VPS13C: variants seen among roughly 807,000 people sequenced by gnomAD.
The protein encoded by VPS13C is intermembrane lipid transfer protein VPS13C.
A neutral mutation model predicts 456.8 loss-of-function variants in VPS13C; 358 were observed. The observed-to-expected ratio is 0.78, with a 90% CI of 0.72 to 0.86. The LOEUF (loss-of-function observed/expected upper bound fraction) is 0.86. VPS13C is among the 40% of genes least tolerant of loss of function. VPS13C has a pLI of 0.00. For synonymous variants in VPS13C, 1,578 were observed against 1,486.7 expected, an observed-to-expected ratio of 1.06 and a Z score of -1.41; for missense variants, 4,818 against 4,385.4, an observed-to-expected ratio of 1.10 and a Z score of -2.79.
chr15:62,045,887 G>A (rs943579293), intron 1 of VPS13C, among the ~76,000 whole-genome samples: 2 of 152,030 alleles, frequency 1.3e-5, no homozygotes, highest in East Asian at 1.9e-4. Context: ...AATGTTCACA[G>A]AATATTGAGT....
At chr15:61,976,985 C>G (rs911800170) in intron 24 of VPS13C, 97 bp downstream of exon 24, 2 of 827,086 alleles carry the variant, frequency 2.4e-6, no homozygotes, top group African/African-American at 3.6e-5. Context: ...TTTGCTGTCT[C>G]CCACAGAAAT....
In VPS13C at chr15:61,853,311, G is replaced by A. The variant is rs1250334206; in HGVS notation, c.*1146C>T. Reference sequence around the variant, plus strand: ...CCCTTAAAAGACTTTCAACCTGTAAGAAACAATTTCTGGGAATATAAAAAT... The same window carrying A: ...CCCTTAAAAGACTTTCAACCTGTAAAAAACAATTTCTGGGAATATAAAAAT... On this transcript the variant is annotated 3_prime_UTR_variant, in exon 85 of 85. Coordinates refer to ENST00000644861, the MANE Select transcript of VPS13C (RefSeq NM_020821.3). 6.6e-6 allele frequency: 1 copy of A among 152,122 alleles called. No individual in the cohort carries two copies. Among genetic ancestry groups the A allele is most frequent in the Non-Finnish European group, 1.5e-5 (1 of 68,014 alleles). The allele number at this position is 152,122 out of a possible 1,614,324, so 9.4% of individuals were successfully genotyped here.
At chr15:61,958,777 A>G in intron 36 of VPS13C, 61 bp from the exon 37 acceptor site, 1 of 904,862 alleles carries the variant, frequency 1.1e-6, no homozygotes, top group Non-Finnish European at 1.6e-6. Context: ...CAATTTTAAT[A>G]CAGAAAATAA....
rs146858303 is a variant in VPS13C at position 61,925,511 on chromosome 15, G to A, written c.6554C>T (p.Thr2185Met). The change falls in exon 53 of 85, where the codon ACG (threonine) becomes ATG (methionine). Residue 2185 changes from threonine (T) to methionine (M), a missense_variant. Coordinates refer to ENST00000644861, the MANE Select transcript of VPS13C (RefSeq NM_020821.3). ...QPCSLFMEKC[T>M]WASGKQNINI... ...TATATTTTGCTTTCCTGAAGCCCACGTACATTTTTCCATAAATAAAGAACA... is the reference window on the plus strand; with the variant it reads ...TATATTTTGCTTTCCTGAAGCCCACATACATTTTTCCATAAATAAAGAACA... 46 of 1,603,574 alleles carry A rather than the reference G, an allele frequency of 2.9e-5. No homozygotes were observed. Among genetic ancestry groups the A allele is most frequent in the East Asian group, 1.8e-4 (8 of 44,484 alleles).
At chr15:61,994,740 C>A (rs1349215935) in intron 16 of VPS13C, among the ~76,000 whole-genome samples, 1 of 151,994 alleles carries the variant, frequency 6.6e-6, no homozygotes, top group Non-Finnish European at 1.5e-5. Flanking sequence ...CATGTGTGTG[C>A]CACCACACCC....
At chr15:61,928,852 C>A (rs1567015158) in intron 51 of VPS13C, among the ~76,000 whole-genome samples, 1 of 151,196 alleles carries the variant, frequency 6.6e-6, no homozygotes, top group Non-Finnish European at 1.5e-5. Flanking sequence ...CCACTGCACT[C>A]CAGCCTGGGT....
chr15:61,962,676 T>TA, intron 33 of VPS13C, 73 bp downstream of exon 33: 1 of 1,335,110 alleles, frequency 7.5e-7, no homozygotes, highest in Non-Finnish European at 1.0e-6. Context: ...GTTTTTAAAA[T>TA]AAAATACATT....
At chr15:61,917,768 ACCAGGGCT>A in intron 59 of VPS13C, 133 bp from the exon 60 acceptor site, 1 of 1,035,556 alleles carries the variant, frequency 9.7e-7, no homozygotes, top group Non-Finnish European at 1.3e-6. Flanking sequence ...AGATGAGGAA[ACCAGGGCT>A]AAAAAAAAGG....
intron 67 of VPS13C, among the ~76,000 whole-genome samples, chr15:61,888,490 C>A (rs903314082): frequency 8.6e-5 from 13 of 152,024 alleles, no homozygotes; most frequent in African/African-American, 2.7e-4. Flanking sequence ...GAGTAATAGT[C>A]CATTCATACA....
chr15:62,037,461 T>TAATATAATAAATTTATTATATGGTAAG (rs2048097750), intron 3 of VPS13C, among the ~76,000 whole-genome samples: 1 of 81,746 alleles, frequency 1.2e-5, no homozygotes. Flanking sequence ...TATATAAATA[T>TAATATAATAAATTTATTATATGGTAAG]AATATAATAA....
intron 3 of VPS13C, among the ~76,000 whole-genome samples, chr15:62,037,282 T>TATATATTATATTATATAATATATATATAA (rs1567136685): frequency 2.1e-5 from 1 of 48,668 alleles, no homozygotes; most frequent in Non-Finnish European, 3.6e-5. Context: ...TAATATATTA[T>TATATATTATATTATATAATATATATATAA]ATATATTATA....
intron 4 of VPS13C, 104 bp downstream of exon 4, chr15:62,034,853 A>G: frequency 1.4e-6 from 1 of 722,228 alleles, no homozygotes; most frequent in South Asian, 2.7e-5. Flanking sequence ...ATTTATTTAA[A>G]TTACCTTCTA....
Position 61,974,287 on chromosome 15 carries a change from C to G in VPS13C, c.2538+1G>C. The G allele has an allele frequency of 6.2e-7, 1 of 1,609,950 alleles. No homozygotes were observed. The highest frequency in any genetic ancestry group is 1.1e-5 in the South Asian group (1 of 90,560). On this transcript the variant is annotated splice_donor_variant, in intron 25 of 84. Transcript: ENST00000644861. LOFTEE classifies it high-confidence loss of function. ...TTATACATTTTATTGTATCTATTTACCTGTCTCTCTGGAGACTGGGCTGAT... is the reference window on the plus strand; with the variant it reads ...TTATACATTTTATTGTATCTATTTAGCTGTCTCTCTGGAGACTGGGCTGAT...
intron 9 of VPS13C, among the ~76,000 whole-genome samples, chr15:62,017,115 C>A (rs563796726): frequency 4.0e-5 from 6 of 150,744 alleles, no homozygotes; most frequent in African/African-American, 1.2e-4. Context: ...TCATATCCTT[C>A]GCACACTTGT....
At chr15:61,899,166 T>G (rs2042921525) in intron 66 of VPS13C, among the ~76,000 whole-genome samples, 1 of 71,600 alleles carries the variant, frequency 1.4e-5, no homozygotes, top group Non-Finnish European at 2.8e-5. Context: ...GATCCAAAAT[T>G]GACACCCTAA....
intron 66 of VPS13C, among the ~76,000 whole-genome samples, chr15:61,895,628 T>TCTG (rs548344174): frequency 2.8e-4 from 42 of 152,210 alleles, no homozygotes; most frequent in African/African-American, 9.9e-4. Context: ...ACACAAACAG[T>TCTG]CTGCTAATAA....
intron 83 of VPS13C, among the ~76,000 whole-genome samples, chr15:61,855,915 T>G (rs1256287179): frequency 6.6e-6 from 1 of 152,082 alleles, no homozygotes; most frequent in Non-Finnish European, 1.5e-5. Flanking sequence ...ATCAAATCAC[T>G]TAATAATCTT....
Position 61,951,846 on chromosome 15 carries a change from A to G in VPS13C, c.4434T>C (p.Ser1478=), listed in dbSNP as rs780510703. ...MTAKAYLKKI[S]MQCFDFTDSK... ...TACCAGTGAAATCAAAGCACTGCAT[A>G]CTAATTTTTTTTAGATAAGCTTTAG... The change falls in exon 39 of 85, where the codon AGT becomes AGC. Residue 1478 remains serine, a synonymous_variant. Coordinates refer to ENST00000644861, the MANE Select transcript of VPS13C (RefSeq NM_020821.3). 54 of 1,612,074 alleles carry G rather than the reference A, an allele frequency of 3.3e-5. 1 individual carries two copies. In the Admixed American group the frequency reaches 9.0e-4, roughly 27 times the overall value.
intron 21 of VPS13C, among the ~76,000 whole-genome samples, chr15:61,982,223 G>A (rs187552723): frequency 8.1e-4 from 123 of 152,276 alleles, no homozygotes; most frequent in Non-Finnish European, 1.4e-3. Flanking sequence ...TCTGAAGCAG[G>A]AGTTCTTAAC....
Sources: gnomAD v4.1 joint callset for allele counts (sites outside exome capture counted in the v4.1 genomes callset) on GRCh38, gnomAD v4.1.1 for gene constraint, MANE v1.5 for transcripts, NCBI Gene and HGNC (gene_info 2026-07-23, HGNC 2026-07-21) for gene names.